Variants in SSBP3 observed in about 807,000 individuals in gnomAD.
The protein encoded by SSBP3 is single stranded DNA binding protein 3.
Under a neutral mutation model 69.6 loss-of-function variants are expected in SSBP3, and 5 were observed. The observed-to-expected ratio is 0.07, with a 90% CI of 0.04 to 0.15. SSBP3 has a LOEUF of 0.15. Ranked by LOEUF, SSBP3 falls within the 10% of genes least tolerant of loss-of-function variation. The pLI, the probability that SSBP3 is intolerant of heterozygous loss-of-function variation, is 1.00. For missense variants in SSBP3, 312 were observed against 534.0 expected (o/e 0.58, Z 4.10); for synonymous variants, 196 against 193.4 (o/e 1.01, Z -0.11).
intron 5 of SSBP3, among the ~76,000 whole-genome samples, chr1:54,274,128 C>G (rs771541251): frequency 1.8e-4 from 27 of 152,310 alleles, no homozygotes; most frequent in Non-Finnish European, 3.2e-4. Flanking sequence ...AGACTCCCCC[C>G]ACCTGCAGGG....
intron 5 of SSBP3, among the ~76,000 whole-genome samples, chr1:54,278,700 C>A (rs922390759): frequency 2.6e-5 from 4 of 152,246 alleles, no homozygotes; most frequent in African/African-American, 4.8e-5. Flanking sequence ...CCACCCTAGG[C>A]CAGGGTCTGG....
intron 5 of SSBP3, among the ~76,000 whole-genome samples, chr1:54,273,506 C>CA (rs1645232134): frequency 1.3e-5 from 2 of 152,362 alleles, no homozygotes; most frequent in South Asian, 4.1e-4. Flanking sequence ...GGGCAGACGT[C>CA]AGGCACCAGG....
chr1:54,300,472 G>A lies in SSBP3; in HGVS notation c.277-18945C>T, dbSNP rs1007681698. 3.9e-5 allele frequency among the ~76,000 whole-genome samples: 6 copies of A among 152,242 alleles called. No homozygotes were observed. The East Asian group carries it at 1.2e-3, about 29-fold the overall frequency. The stretch of plus-strand genomic sequence containing the variant: ...TGGTACCTGGCACACGGAGACACTC[G>A]GTCAACATTTGCTGTTGCACACATT... On this transcript the variant is annotated intron_variant, in intron 4 of 17. Transcript: ENST00000610401.
At chr1:54,379,258 G>T (rs1461718669) in intron 4 of SSBP3, among the ~76,000 whole-genome samples, 1 of 152,232 alleles carries the variant, frequency 6.6e-6, no homozygotes, top group Non-Finnish European at 1.5e-5. Flanking sequence ...CGGCCACCCT[G>T]GGTGCCCTCA....
chr1:54,320,449 A>C (rs569311962), intron 4 of SSBP3, among the ~76,000 whole-genome samples: 4 of 151,834 alleles, frequency 2.6e-5, no homozygotes, highest in African/African-American at 9.7e-5. Context: ...TCCCGAGTAG[A>C]TGGGACTACA....
At position 54,238,227 on chromosome 1, in the gene SSBP3, G is replaced by A. The variant is rs753950530; in HGVS notation, c.927+902C>T. 9.8e-5 allele frequency: 46 copies of A among 471,106 alleles called. 1 individual carries two copies. Among genetic ancestry groups the A allele is most frequent in the Non-Finnish European group, 1.8e-4 (42 of 227,060 alleles). 29.2% of individuals were successfully genotyped at this position (471,106 alleles called of 1,614,324 possible). ...CGGGGTTTAACACGTGGGGTGATCC[G>A]GGTGTCACCTCAGGAACGGAGCCAA... On this transcript the variant is annotated intron_variant, in intron 14 of 17. Coordinates refer to ENST00000610401, the Ensembl canonical transcript of SSBP3.
At chr1:54,299,330 G>A (rs769831070) in intron 4 of SSBP3, among the ~76,000 whole-genome samples, 8 of 152,086 alleles carry the variant, frequency 5.3e-5, no homozygotes, top group Non-Finnish European at 8.8e-5. Flanking sequence ...AAACAAAGGC[G>A]GCAGTCACGG....
chr1:54,323,440 A>C (rs1188874678), intron 4 of SSBP3, among the ~76,000 whole-genome samples: 1 of 152,152 alleles, frequency 6.6e-6, no homozygotes, highest in East Asian at 1.9e-4. Flanking sequence ...GCAGGGCAGG[A>C]CGCCAGGCGT....
At chr1:54,386,322 CATCCTTCAGATACATTTT>C (rs1323032210) in intron 4 of SSBP3, among the ~76,000 whole-genome samples, 7 of 152,230 alleles carry the variant, frequency 4.6e-5, no homozygotes, top group African/African-American at 7.2e-5. Flanking sequence ...TTAGGATTGA[CATCCTTCAGATACATTTT>C]ATCCTTCAGA....
intron 1 of SSBP3, among the ~76,000 whole-genome samples, chr1:54,411,660 AG>A (rs2100850978): frequency 6.6e-6 from 1 of 152,058 alleles, no homozygotes; most frequent in Non-Finnish European, 1.5e-5. Context: ...GTGGAGGCCG[AG>A]GCAGGCAGAT....
chr1:54,364,438 G>C (rs1646997807), intron 4 of SSBP3, among the ~76,000 whole-genome samples: 1 of 152,314 alleles, frequency 6.6e-6, no homozygotes, highest in Non-Finnish European at 1.5e-5. Context: ...ACCTGCCAGA[G>C]CCAGTCTGCT....
chr1:54,261,602 T>C (rs670812), intron 5 of SSBP3, among the ~76,000 whole-genome samples: 1 of 152,112 alleles, frequency 6.6e-6, no homozygotes, highest in South Asian at 2.1e-4. Context: ...ATGCAGGACA[T>C]CTCTGGTGAG....
At chr1:54,348,718 G>T (rs1044753132) in intron 4 of SSBP3, among the ~76,000 whole-genome samples, 5 of 152,206 alleles carry the variant, frequency 3.3e-5, no homozygotes, top group Admixed American at 2.6e-4. Context: ...ATGGGGCAGC[G>T]GGGCAGATGC....
chr1:54,250,521 G>A (rs1404972592), intron 9 of SSBP3, among the ~76,000 whole-genome samples: 1 of 130,934 alleles, frequency 7.6e-6, no homozygotes, highest in African/African-American at 3.2e-5. Context: ...CCTACAAAAG[G>A]GAGCACGTGT....
Position 54,232,806 on chromosome 1 carries a change from C to T in SSBP3, c.928-3980G>A, listed in dbSNP as rs540368306. 1.8e-4 allele frequency among the ~76,000 whole-genome samples: 27 copies of T among 152,332 alleles called. No individual in the cohort carries two copies. The East Asian group carries it at 4.8e-3, about 27-fold the overall frequency. On this transcript the variant is annotated intron_variant, in intron 14 of 17. Coordinates refer to ENST00000610401, the Ensembl canonical transcript of SSBP3. ...GCTGTGTTGGCCGGGCCGTCTCCAGCCCCTAACCGCGAGTGATCCGCCAGC... is the reference window on the plus strand; with the variant it reads ...GCTGTGTTGGCCGGGCCGTCTCCAGTCCCTAACCGCGAGTGATCCGCCAGC...
At chr1:54,365,173 A>G (rs950533563) in intron 4 of SSBP3, among the ~76,000 whole-genome samples, 3 of 152,248 alleles carry the variant, frequency 2.0e-5, no homozygotes, top group Non-Finnish European at 4.4e-5. Flanking sequence ...GCAACATCCC[A>G]AAGTTAAAAT....
intron 14 of SSBP3, among the ~76,000 whole-genome samples, chr1:54,229,708 G>A (rs1644349524): frequency 6.6e-6 from 1 of 152,184 alleles, no homozygotes; most frequent in Admixed American, 6.5e-5. Flanking sequence ...CCAGCCTGGA[G>A]CGCCAAGGCC....
Position 54,248,185 on chromosome 1 carries a change from C to T in SSBP3, c.651+3431G>A, listed in dbSNP as rs534704836. Among the ~76,000 whole-genome samples the T allele has an allele frequency of 2.6e-3, 390 of 152,320 alleles. 1 individual carries two copies. Among genetic ancestry groups the T allele is most frequent in the African/African-American group, 9.1e-3 (377 of 41,558 alleles). ...TAATTCCCGGCTGTGAATCACATGC[C>T]GATGGTCTCCCACCTTTGAGCCTGG... On this transcript the variant is annotated intron_variant, in intron 9 of 17. Coordinates refer to ENST00000610401, the Ensembl canonical transcript of SSBP3.
intron 4 of SSBP3, among the ~76,000 whole-genome samples, chr1:54,294,249 T>C (rs1265614916): frequency 6.6e-6 from 1 of 150,982 alleles, no homozygotes; most frequent in Non-Finnish European, 1.5e-5. Context: ...AAGGTCAAAC[T>C]CTAAGACTAG....
Sources: allele counts gnomAD v4.1 joint callset (sites outside exome capture counted in the v4.1 genomes callset), GRCh38; gene constraint gnomAD v4.1.1; transcripts MANE v1.5; gene names NCBI Gene and HGNC (gene_info 2026-07-23, HGNC 2026-07-21).